The following TMEM45B variants were observed in gnomAD, a reference collection of about 807,000 sequenced individuals.
The protein encoded by TMEM45B is transmembrane protein 45B.
In TMEM45B, 29 loss-of-function variants were observed where a neutral mutation model predicts 27.3. That is an observed-to-expected ratio of 1.06 (90% CI 0.79 to 1.45). The LOEUF (loss-of-function observed/expected upper bound fraction) is 1.45, where lower values mean the gene tolerates loss of function less well. Ranked by LOEUF, TMEM45B falls within the 40% of genes most tolerant of loss-of-function variation. TMEM45B has a pLI of 0.00. For synonymous variants in TMEM45B, 143 were observed against 134.7 expected, an observed-to-expected ratio of 1.06 and a Z score of -0.43; for missense variants, 348 against 343.9, an observed-to-expected ratio of 1.01 and a Z score of -0.09.
chr11:129,841,242 G>T (rs960654471), intron 1 of TMEM45B, among the ~76,000 whole-genome samples: 1 of 152,110 alleles, frequency 6.6e-6, no homozygotes, highest in Admixed American at 6.6e-5. Flanking sequence ...GCAGTGGCTG[G>T]GGGGTTGAAA....
intron 1 of TMEM45B, among the ~76,000 whole-genome samples, chr11:129,841,309 A>T (rs1947689549): frequency 6.6e-6 from 1 of 152,178 alleles, no homozygotes; most frequent in Non-Finnish European, 1.5e-5. Context: ...AGCAGGACAA[A>T]TCCACAGCTT....
At chr11:129,848,455 T>A (rs978322758) in intron 1 of TMEM45B, among the ~76,000 whole-genome samples, 7 of 152,286 alleles carry the variant, frequency 4.6e-5, no homozygotes, top group Admixed American at 3.9e-4. Context: ...TGAGCCGAGA[T>A]GGCAGCAGCA....
intron 1 of TMEM45B, among the ~76,000 whole-genome samples, chr11:129,845,207 CTGTT>C (rs967243237): frequency 1.8e-4 from 28 of 151,924 alleles, no homozygotes; most frequent in African/African-American, 6.0e-4. Context: ...ACGTCTCTGC[CTGTT>C]TATTAGAGTG....
intron 2 of TMEM45B, among the ~76,000 whole-genome samples, chr11:129,853,787 A>T (rs1186009240): frequency 6.6e-6 from 1 of 152,158 alleles, no homozygotes; most frequent in Non-Finnish European, 1.5e-5. Context: ...TGTGTGTGGG[A>T]ATTCAAAAAG....
chr11:129,819,246 G>A (rs190559794), intron 1 of TMEM45B, among the ~76,000 whole-genome samples: 1 of 152,342 alleles, frequency 6.6e-6, no homozygotes, highest in African/African-American at 2.4e-5. Context: ...ATCTGAAAAA[G>A]TGTGAGATGT....
intron 1 of TMEM45B, among the ~76,000 whole-genome samples, chr11:129,845,295 G>A (rs1326365044): frequency 6.9e-6 from 1 of 144,692 alleles, no homozygotes; most frequent in African/African-American, 2.7e-5. Flanking sequence ...GTGTGTGTGT[G>A]TGTATGCATG....
chr11:129,838,005 T>A (rs533716721), intron 1 of TMEM45B, among the ~76,000 whole-genome samples: 145 of 151,714 alleles, frequency 9.6e-4, no homozygotes, highest in African/African-American at 3.4e-3. Context: ...TGGTCTCAAA[T>A]TCCTGATCTC....
chr11:129,840,691 T>C (rs1288449928), intron 1 of TMEM45B, among the ~76,000 whole-genome samples: 1 of 151,956 alleles, frequency 6.6e-6, no homozygotes, highest in Non-Finnish European at 1.5e-5. Flanking sequence ...TATATCAGCC[T>C]GACCAACATG....
chr11:129,850,858 C>T (rs564228745), intron 1 of TMEM45B, among the ~76,000 whole-genome samples: 2 of 152,270 alleles, frequency 1.3e-5, no homozygotes, highest in South Asian at 4.1e-4. Flanking sequence ...GCAATCCAGG[C>T]TTTTTTCAGC....
chr11:129,852,911 T>C (rs1947868874), intron 2 of TMEM45B: 3 of 353,576 alleles, frequency 8.5e-6, no homozygotes, highest in Non-Finnish European at 1.5e-5. Context: ...GTATGGAAAG[T>C]TGTAGGAGCA....
At chr11:129,850,708 G>A (rs941110688) in intron 1 of TMEM45B, 1 of 151,964 alleles carries the variant, frequency 6.6e-6, no homozygotes, top group South Asian at 2.1e-4. Flanking sequence ...CTTCACCATC[G>A]GTATCTCTAT....
chr11:129,858,556 A>C lies in TMEM45B; in HGVS notation c.717-18A>C. On this transcript the variant is annotated intron_variant, in intron 5 of 5. Coordinates refer to ENST00000281441, the MANE Select transcript of TMEM45B (RefSeq NM_138788.5). ...GGGAATCTCTGGCTAATTGGCTCTT[A>C]CTCTTTCTCTATTAAAGCCTTTTGA... The C allele has an allele frequency of 5.8e-6, 9 of 1,558,690 alleles. No individual in the cohort carries two copies. The highest frequency in any genetic ancestry group is 2.7e-5 in the African/African-American group (2 of 74,284).
intron 1 of TMEM45B, among the ~76,000 whole-genome samples, chr11:129,822,436 A>G (rs1055779305): frequency 5.9e-5 from 9 of 152,152 alleles, no homozygotes; most frequent in African/African-American, 1.9e-4. Flanking sequence ...GGCTGGCTTC[A>G]TTGCAGGGTG....
intron 1 of TMEM45B, among the ~76,000 whole-genome samples, chr11:129,847,061 T>C (rs1947769838): frequency 2.0e-5 from 3 of 152,150 alleles, no homozygotes; most frequent in Admixed American, 6.5e-5. Flanking sequence ...CAAACGAGTA[T>C]AATGCAACTG....
intron 1 of TMEM45B, among the ~76,000 whole-genome samples, chr11:129,818,969 A>C (rs1591431295): frequency 6.6e-6 from 1 of 152,202 alleles, no homozygotes; most frequent in East Asian, 1.9e-4. Context: ...AATTTGCCAA[A>C]TGTATAAATC....
intron 1 of TMEM45B, among the ~76,000 whole-genome samples, chr11:129,825,188 G>C (rs1405790515): frequency 2.6e-5 from 4 of 152,100 alleles, no homozygotes; most frequent in African/African-American, 4.8e-5. Context: ...GACAATGAGA[G>C]ACCAAATGAG....
chr11:129,858,763 C>A lies in TMEM45B; in HGVS notation c.*78C>A. On this transcript the variant is annotated 3_prime_UTR_variant, in exon 6 of 6. Transcript: ENST00000281441. Reference sequence around the variant, plus strand: ...TTCATCCCCTCCACCTGAATGCCTGCTGTGGTCTGATCTTAAGGGTCTATA... The same window carrying A: ...TTCATCCCCTCCACCTGAATGCCTGATGTGGTCTGATCTTAAGGGTCTATA... 2.8e-6 allele frequency: 3 copies of A among 1,074,166 alleles called. No homozygotes were observed. Among genetic ancestry groups the A allele is most frequent in the Non-Finnish European group, 4.1e-6 (3 of 730,010 alleles). The allele number at this position is 1,074,166 out of a possible 1,614,324, so 66.5% of individuals were successfully genotyped here.
chr11:129,820,193 T>C (rs1302708596), intron 1 of TMEM45B, among the ~76,000 whole-genome samples: 1 of 152,026 alleles, frequency 6.6e-6, no homozygotes, highest in African/African-American at 2.4e-5. Context: ...CAGGCGCCTA[T>C]AGTCCCAGCT....
At chr11:129,821,797 T>C (rs1242564895) in intron 1 of TMEM45B, among the ~76,000 whole-genome samples, 1 of 152,154 alleles carries the variant, frequency 6.6e-6, no homozygotes, top group African/African-American at 2.4e-5. Flanking sequence ...TGTAGGGTTT[T>C]CTTTATTGTT....
Sources: allele counts gnomAD v4.1 joint callset (sites outside exome capture counted in the v4.1 genomes callset), GRCh38; gene constraint gnomAD v4.1.1; transcripts MANE v1.5; gene names NCBI Gene and HGNC (gene_info 2026-07-23, HGNC 2026-07-21).